CR1L: variants seen among roughly 807,000 people sequenced by gnomAD.
The protein encoded by CR1L is complement component receptor 1-like protein.
In CR1L, 59 loss-of-function variants were observed where a neutral mutation model predicts 62.3. The observed-to-expected ratio is 0.95, with a 90% CI of 0.77 to 1.18. The LOEUF is 1.18. Among genes scored for constraint, CR1L ranks in the 50% most tolerant of loss-of-function variants. The pLI is 0.00. For missense variants in CR1L, 700 were observed against 702.8 expected (o/e 1.00, Z 0.04); for synonymous variants, 279 against 248.7 (o/e 1.12, Z -1.15).
intron 4 of CR1L, among the ~76,000 whole-genome samples, chr1:207,685,728 C>T (rs117807938): frequency 2.6e-5 from 4 of 152,236 alleles, no homozygotes; most frequent in East Asian, 3.9e-4. Flanking sequence ...TGAAACTCCC[C>T]GTGTGAATGT....
intron 10 of CR1L, chr1:207,710,419 A>T (rs1664335185): frequency 6.4e-7 from 1 of 1,563,728 alleles, no homozygotes; most frequent in Non-Finnish European, 8.8e-7. Context: ...TCACCAATGG[A>T]TATTTCATTA....
intron 1 of CR1L, among the ~76,000 whole-genome samples, chr1:207,667,313 G>A (rs778161106): frequency 1.3e-5 from 2 of 152,160 alleles, no homozygotes; most frequent in Non-Finnish European, 1.5e-5. Context: ...GAAAACCAAG[G>A]TGTTGAAAAG....
At position 207,645,245 on chromosome 1, in the gene CR1L, C is replaced by T; in HGVS notation, c.12C>T (p.Pro4=). ...CTCCCGCGCCGCTCATGGCGCCTCC[C>T]GTCCGTCTCGAGCGTCCCTTTCCTT... The part of the protein sequence containing the change: MAP[P]VRLERPFPSR... The change falls in exon 1 of 12, where the codon CCC becomes CCT. Residue 4 remains proline (P), a synonymous_variant. Transcript: ENST00000508064. 3 of 1,613,280 alleles carry T rather than the reference C, an allele frequency of 1.9e-6. No individual in the cohort carries two copies. Among genetic ancestry groups the T allele is most frequent in the Middle Eastern group, 1.9e-4 (1 of 5,380 alleles).
At chr1:207,689,898 T>G (rs1168852135) in intron 4 of CR1L, among the ~76,000 whole-genome samples, 5 of 152,084 alleles carry the variant, frequency 3.3e-5, no homozygotes, top group Non-Finnish European at 7.4e-5. Flanking sequence ...ATTAGCATAA[T>G]GCTATTTATT....
In CR1L at chr1:207,701,238, T is replaced by C. The variant is rs909572626; in HGVS notation, c.1229-281T>C. Among the ~76,000 whole-genome samples the C allele has an allele frequency of 4.6e-5, 7 of 152,204 alleles. No individual in the cohort carries two copies. In the South Asian group the frequency reaches 8.3e-4, roughly 18 times the overall value. On this transcript the variant is annotated intron_variant, in intron 8 of 11. Coordinates refer to ENST00000508064, the MANE Select transcript of CR1L (RefSeq NM_175710.2). ...CTTTGAAAACTTTATTGGTAGTAAA[T>C]AATGCCATAAATGACCTTTACATTT... is the stretch of plus-strand genomic sequence containing the variant.
intron 10 of CR1L, among the ~76,000 whole-genome samples, chr1:207,713,860 C>T (rs1440208032): frequency 6.6e-6 from 1 of 152,220 alleles, no homozygotes; most frequent in Non-Finnish European, 1.5e-5. Flanking sequence ...TCAGTTCCAT[C>T]GCCCCGCTCA....
rs1427414025 is a variant in CR1L, at chr1:207,708,234, A to G, written c.1385A>G (p.His462Arg). The change falls in exon 10 of 12, where the codon CAT (histidine) becomes CGT (arginine). Residue 462 changes from histidine to arginine, a missense_variant. His to Arg is a conservative substitution (Grantham distance 29). Coordinates refer to ENST00000508064, the MANE Select transcript of CR1L (RefSeq NM_175710.2). Reference protein sequence around the residue: ...AECILSGNTAHWSMKPPICQQ... With the variant: ...AECILSGNTARWSMKPPICQQ... ...TGTATCCTCTCGGGCAATACTGCCCATTGGAGCATGAAGCCACCAATTTGT... is the reference window on the plus strand; with the variant it reads ...TGTATCCTCTCGGGCAATACTGCCCGTTGGAGCATGAAGCCACCAATTTGT... The G allele has an allele frequency of 3.1e-6, 5 of 1,611,344 alleles. No homozygotes were observed. The highest frequency in any genetic ancestry group is 4.2e-6 in the Non-Finnish European group (5 of 1,179,444).
chr1:207,655,455 G>T (rs966055112), intron 1 of CR1L, among the ~76,000 whole-genome samples: 1 of 152,030 alleles, frequency 6.6e-6, no homozygotes, highest in Non-Finnish European at 1.5e-5. Context: ...TTTTAAATAA[G>T]TATTGATTCT....
chr1:207,687,245 A>G (rs1558019188), intron 4 of CR1L, among the ~76,000 whole-genome samples: 2 of 152,246 alleles, frequency 1.3e-5, no homozygotes, highest in East Asian at 3.9e-4. Context: ...AATTGGTATT[A>G]TTTCTTCTTT....
chr1:207,710,729 T>C (rs1664342897), intron 10 of CR1L: 1 of 1,609,586 alleles, frequency 6.2e-7, no homozygotes, highest in Non-Finnish European at 8.5e-7. Context: ...CCCCGCACCG[T>C]GTGCAATGCC....
At chr1:207,691,860 A>C (rs1170454343) in intron 4 of CR1L, among the ~76,000 whole-genome samples, 1 of 152,220 alleles carries the variant, frequency 6.6e-6, no homozygotes. Context: ...AATTTAAAAG[A>C]GTTTAATTGA....
At chr1:207,719,523 C>T (rs1315424607) in intron 11 of CR1L, among the ~76,000 whole-genome samples, 1 of 152,004 alleles carries the variant, frequency 6.6e-6, no homozygotes, top group Non-Finnish European at 1.5e-5. Flanking sequence ...AGTTCAAGTG[C>T]AGCCTGGGCA....
intron 7 of CR1L, 92 bp downstream of exon 7, chr1:207,697,965 C>T (rs898855921): frequency 7.3e-6 from 10 of 1,362,310 alleles, no homozygotes; most frequent in Non-Finnish European, 9.2e-6. Flanking sequence ...TAAAAAAAGA[C>T]AGACAGACAG....
At chr1:207,696,652 A>T (rs186116331) in intron 5 of CR1L, among the ~76,000 whole-genome samples, 18 of 152,346 alleles carry the variant, frequency 1.2e-4, no homozygotes, top group African/African-American at 4.1e-4. Context: ...CCCCCATTTG[A>T]TGCTTGAGAA....
In CR1L at chr1:207,681,401, A is replaced by G. The variant is rs564606692; in HGVS notation, c.378-2471A>G. On this transcript the variant is annotated intron_variant, in intron 3 of 11. Coordinates refer to ENST00000508064, the MANE Select transcript of CR1L (RefSeq NM_175710.2). ...GCTTCAATCTGTTTAAATGGATATGAGAGTCCCTGGCTCTCCTTAAAATAA... is the reference window on the plus strand; with the variant it reads ...GCTTCAATCTGTTTAAATGGATATGGGAGTCCCTGGCTCTCCTTAAAATAA... Among the ~76,000 whole-genome samples, 25 of 152,366 alleles carry G rather than the reference A, an allele frequency of 1.6e-4. 1 individual carries two copies. In the South Asian group the frequency reaches 5.2e-3, roughly 32 times the overall value.
At chr1:207,680,788 C>G (rs1663783442) in intron 3 of CR1L, among the ~76,000 whole-genome samples, 1 of 152,200 alleles carries the variant, frequency 6.6e-6, no homozygotes, top group Non-Finnish European at 1.5e-5. Flanking sequence ...ATAAGACCCA[C>G]TCAGATCACT....
chr1:207,661,970 G>T (rs1330360458), intron 1 of CR1L, among the ~76,000 whole-genome samples: 2 of 152,278 alleles, frequency 1.3e-5, no homozygotes, highest in Non-Finnish European at 2.9e-5. Context: ...GTTGAATATT[G>T]GCCCTCACTC....
In CR1L at chr1:207,718,398, C is replaced by T. The variant is rs1383700694; in HGVS notation, c.1642+707C>T. On this transcript the variant is annotated intron_variant, in intron 11 of 11. Coordinates refer to ENST00000508064, the MANE Select transcript of CR1L (RefSeq NM_175710.2). ...CCATCCTCCAGTAAGGACAGAAGAG[C>T]ATTGAATTATAAAAGGTGTTGACTT... Among the ~76,000 whole-genome samples, 3 of 152,158 alleles carry T rather than the reference C, an allele frequency of 2.0e-5. 1 individual carries two copies. Among genetic ancestry groups the T allele is most frequent in the South Asian group, 4.1e-4 (2 of 4,828 alleles).
intron 1 of CR1L, among the ~76,000 whole-genome samples, chr1:207,648,224 G>GAA (rs765424533): frequency 0.043 from 4,348 of 100,758 alleles, 147 homozygotes; most frequent in South Asian, 0.12. Flanking sequence ...CACACACACA[G>GAA]AAAAAAAAAA....
Sources: allele counts gnomAD v4.1 joint callset (sites outside exome capture counted in the v4.1 genomes callset), GRCh38; gene constraint gnomAD v4.1.1; transcripts MANE v1.5; gene names NCBI Gene and HGNC (gene_info 2026-07-23, HGNC 2026-07-21).